The following ST3GAL1 variants were observed in gnomAD, a reference collection of about 807,000 sequenced individuals.
ST3GAL1 encodes ST3 beta-galactoside alpha-2,3-sialyltransferase 1.
Under a neutral mutation model 34.1 loss-of-function variants are expected in ST3GAL1, and 16 were observed. The ratio of observed to expected loss-of-function variants is 0.47; its 90% CI spans 0.32 to 0.71. ST3GAL1 has a LOEUF of 0.71. Ranked by LOEUF, ST3GAL1 falls within the 30% of genes least tolerant of loss-of-function variation. The pLI, the probability that ST3GAL1 is intolerant of heterozygous loss-of-function variation, is 0.04. For missense variants in ST3GAL1, 353 were observed against 447.4 expected (o/e 0.79, Z 1.90); for synonymous variants, 191 against 184.7 (o/e 1.03, Z -0.28).
intron 1 of ST3GAL1, among the ~76,000 whole-genome samples, chr8:133,554,062 C>T (rs1045057770): frequency 2.6e-5 from 4 of 152,182 alleles, no homozygotes; most frequent in African/African-American, 7.2e-5. Flanking sequence ...CCAATCAGGG[C>T]TGTATAGCGG....
intron 8 of ST3GAL1, among the ~76,000 whole-genome samples, chr8:133,462,594 C>T (rs1418963960): frequency 3.9e-5 from 6 of 152,132 alleles, no homozygotes; most frequent in African/African-American, 9.7e-5. Context: ...TTGAGCACAA[C>T]GAAAGGGAAT....
chr8:133,488,868 A>G (rs4736682), intron 3 of ST3GAL1, among the ~76,000 whole-genome samples: 42,670 of 152,028 alleles, frequency 0.28, 6,537 homozygotes, highest in Non-Finnish European at 0.35. Flanking sequence ...ACTGGCAGAC[A>G]GGGGGGGCCA....
At chr8:133,513,978 T>C (rs1248640319) in intron 2 of ST3GAL1, among the ~76,000 whole-genome samples, 1 of 151,904 alleles carries the variant, frequency 6.6e-6, no homozygotes, top group African/African-American at 2.4e-5. Context: ...GCAAACTAAA[T>C]GGCAAACCAG....
chr8:133,512,809 A>G (rs1373211749), intron 2 of ST3GAL1, among the ~76,000 whole-genome samples: 2 of 152,254 alleles, frequency 1.3e-5, no homozygotes, highest in African/African-American at 4.8e-5. Flanking sequence ...ATTCAAAGTT[A>G]TAGGATAGGA....
At chr8:133,567,337 T>TC (rs1463588876) in intron 1 of ST3GAL1, 1 of 152,170 alleles carries the variant, frequency 6.6e-6, no homozygotes, top group African/African-American at 2.4e-5. Context: ...GGTAATAAGT[T>TC]CCCAGTAAAT....
chr8:133,510,168 G>C (rs1015351824), intron 2 of ST3GAL1, among the ~76,000 whole-genome samples: 5 of 152,078 alleles, frequency 3.3e-5, no homozygotes, highest in Non-Finnish European at 7.3e-5. Context: ...CTGTTTTCAG[G>C]GGACTTCCCA....
intron 3 of ST3GAL1, among the ~76,000 whole-genome samples, chr8:133,479,392 G>A (rs962104254): frequency 2.6e-5 from 4 of 152,174 alleles, no homozygotes; most frequent in Non-Finnish European, 5.9e-5. Flanking sequence ...TTGGGCCAGA[G>A]AAGCCACAGT....
At chr8:133,562,834 C>CT (rs1393559347) in intron 1 of ST3GAL1, among the ~76,000 whole-genome samples, 86 of 96,716 alleles carry the variant, frequency 8.9e-4, no homozygotes, top group African/African-American at 4.5e-3. Flanking sequence ...TCCTTCCTTC[C>CT]TTCCTTCCTT....
intron 3 of ST3GAL1, among the ~76,000 whole-genome samples, 180 bp downstream of exon 3, chr8:133,498,955 C>T (rs2130991101): frequency 6.6e-6 from 1 of 152,366 alleles, no homozygotes; most frequent in East Asian, 1.9e-4. Flanking sequence ...TGCCACCACC[C>T]TTCTGAATTT....
chr8:133,484,972 G>A (rs1263489479), intron 3 of ST3GAL1, among the ~76,000 whole-genome samples: 1 of 152,192 alleles, frequency 6.6e-6, no homozygotes, highest in Non-Finnish European at 1.5e-5. Context: ...TTGTAGCTAT[G>A]ATCAACGAAT....
intron 1 of ST3GAL1, among the ~76,000 whole-genome samples, chr8:133,552,673 T>TA (rs1462412689): frequency 6.6e-6 from 1 of 152,150 alleles, no homozygotes; most frequent in Non-Finnish European, 1.5e-5. Flanking sequence ...ATGCACCTGT[T>TA]AGACTAGGAA....
At chr8:133,566,011 C>T (rs951287179) in intron 1 of ST3GAL1, among the ~76,000 whole-genome samples, 2 of 152,238 alleles carry the variant, frequency 1.3e-5, no homozygotes, top group African/African-American at 4.8e-5. Context: ...AAATCCCATC[C>T]CTGCTGGCCA....
At chr8:133,478,569 A>T (rs1221032651) in intron 3 of ST3GAL1, among the ~76,000 whole-genome samples, 1 of 152,218 alleles carries the variant, frequency 6.6e-6, no homozygotes, top group Non-Finnish European at 1.5e-5. Context: ...ACTTGAAGCA[A>T]TGTGACTGAC....
intron 2 of ST3GAL1, among the ~76,000 whole-genome samples, chr8:133,509,850 G>A (rs1283235577): frequency 6.6e-6 from 1 of 152,126 alleles, no homozygotes; most frequent in Admixed American, 6.5e-5. Context: ...CTGAGGTCTG[G>A]AGTTCGAGAC....
intron 2 of ST3GAL1, among the ~76,000 whole-genome samples, chr8:133,533,810 G>A (rs1158395576): frequency 6.6e-6 from 1 of 152,176 alleles, no homozygotes; most frequent in Non-Finnish European, 1.5e-5. Flanking sequence ...GGAACTTATC[G>A]AAAGGACATA....
In ST3GAL1 at chr8:133,457,497, T is replaced by C. The variant is rs1264172765; in HGVS notation, c.*2267A>G. The C allele has an allele frequency of 6.6e-6, 1 of 152,174 alleles. No homozygotes were observed. Among genetic ancestry groups the C allele is most frequent in the African/African-American group, 2.4e-5 (1 of 41,432 alleles). The allele number at this position is 152,174 out of a possible 1,614,324, so 9.4% of individuals were successfully genotyped here. A position where few individuals can be genotyped will look rare whatever the true frequency, so the allele number is the denominator to read the frequency against. On this transcript the variant is annotated 3_prime_UTR_variant, in exon 10 of 10. Coordinates refer to ENST00000522652, the MANE Select transcript of ST3GAL1 (RefSeq NM_173344.3). Reference sequence around the variant, plus strand: ...AACATTTGTTGAGCTCTTAACGTCATATATGGGTGTGAGCTCTGCCCTTCG... The same window carrying C: ...AACATTTGTTGAGCTCTTAACGTCACATATGGGTGTGAGCTCTGCCCTTCG...
intron 1 of ST3GAL1, among the ~76,000 whole-genome samples, chr8:133,564,667 TGAA>T (rs1029578289): frequency 1.3e-5 from 2 of 152,178 alleles, no homozygotes; most frequent in African/African-American, 4.8e-5. Flanking sequence ...AAGGCCATGT[TGAA>T]GTACCACTCA....
intron 5 of ST3GAL1, among the ~76,000 whole-genome samples, chr8:133,471,960 T>TG (rs1375030367): frequency 6.6e-6 from 1 of 151,686 alleles, no homozygotes; most frequent in Non-Finnish European, 1.5e-5. Flanking sequence ...TTTCCCAAGT[T>TG]GGGGGCAAGT....
intron 2 of ST3GAL1, among the ~76,000 whole-genome samples, chr8:133,527,893 G>T (rs1283365698): frequency 6.6e-6 from 1 of 152,070 alleles, no homozygotes; most frequent in Non-Finnish European, 1.5e-5. Context: ...CCCAGAAATG[G>T]GCTGGGCGTG....
Sources: allele counts gnomAD v4.1 joint callset (sites outside exome capture counted in the v4.1 genomes callset), GRCh38; gene constraint gnomAD v4.1.1; transcripts MANE v1.5; gene names NCBI Gene and HGNC (gene_info 2026-07-23, HGNC 2026-07-21).